MUC4: variants seen among roughly 807,000 people sequenced by gnomAD.
MUC4 encodes the protein mucin-4.
In MUC4, 202 loss-of-function variants were observed where a neutral mutation model predicts 257.9. The ratio of observed to expected loss-of-function variants is 0.78; its 90% CI spans 0.70 to 0.88. MUC4 has a LOEUF of 0.88. Ranked by LOEUF, MUC4 falls within the 40% of genes least tolerant of loss-of-function variation. The pLI is 0.00. For missense variants in MUC4, 5,976 were observed against 6,513.7 expected (o/e 0.92, Z 2.84); for synonymous variants, 2,351 against 2,757.1 (o/e 0.85, Z 4.62).
At chr3:195,795,621 C>A (rs1427301965) in intron 1 of MUC4, among the ~76,000 whole-genome samples, 1 of 151,980 alleles carries the variant, frequency 6.6e-6, no homozygotes, top group Non-Finnish European at 1.5e-5. Flanking sequence ...GGAAGCAAGA[C>A]CCTCGGTCAC....
intron 8 of MUC4, 124 bp downstream of exon 8, chr3:195,766,539 G>A (rs190085271): frequency 4.8e-6 from 4 of 830,426 alleles, no homozygotes; most frequent in South Asian, 1.6e-5. Context: ...TGAACTGTGT[G>A]GGGGAGGCCC....
At position 195,778,431 on chromosome 3, in the gene MUC4, GT is replaced by G; in HGVS notation, c.12814del (p.Thr4272GlnfsTer155). The G allele has an allele frequency of 6.2e-7, 1 of 1,612,924 alleles. No individual in the cohort carries two copies. On this transcript the variant is annotated frameshift_variant, in exon 3 of 25. Transcript: ENST00000463781. LOFTEE classifies it high-confidence loss of function. The stretch of plus-strand genomic sequence containing the variant: ...TGTGGCTGTGCGTCTCCCACCGTCT[GT>G]CTTCAGTGACGGTGTTGTCATTCCT... ...TPGMTTPSLK[T>X]DGGRRTATSP...
In MUC4 at chr3:195,746,959, C is replaced by G. The variant is rs1715155192; in HGVS notation, c.*217G>C. 2.9e-6 allele frequency: 2 copies of G among 678,304 alleles called. No individual in the cohort carries two copies. The highest frequency in any genetic ancestry group is 4.9e-6 in the Non-Finnish European group (2 of 405,272). 42.0% of individuals were successfully genotyped at this position (678,304 alleles called of 1,614,324 possible). On this transcript the variant is annotated 3_prime_UTR_variant, in exon 25 of 25. Coordinates refer to ENST00000463781, the MANE Select transcript of MUC4 (RefSeq NM_018406.7). The stretch of plus-strand genomic sequence containing the variant: ...TTCTGTGGGTGTGTCTGCGTGAGGA[C>G]CCATCCATGCATGTTTGATCTTTAT...
At chr3:195,799,275 G>T (rs560620013) in intron 1 of MUC4, among the ~76,000 whole-genome samples, 2 of 143,258 alleles carry the variant, frequency 1.4e-5, no homozygotes, top group Non-Finnish European at 3.1e-5. Context: ...CTGTGTGTGT[G>T]TGTCCCTGCC....
rs2291652 is a variant in MUC4, at chr3:195,750,920, G to A, written c.15840C>T (p.Ile5280=). ...EPRNDVVFQP[I]SGEDVRDVTA... ...TCACATCGCGCACGTCTTCCCCGGAGATGGGCTGGAAGACCACGTCGTTCC... is the reference window on the plus strand; with the variant it reads ...TCACATCGCGCACGTCTTCCCCGGAAATGGGCTGGAAGACCACGTCGTTCC... The change falls in exon 23 of 25, where the codon ATC becomes ATT. Residue 5280 remains isoleucine, a synonymous_variant. Coordinates refer to ENST00000463781, the MANE Select transcript of MUC4 (RefSeq NM_018406.7). 703,081 of 1,613,572 alleles carry A rather than the reference G, an allele frequency of 0.44. 160,084 individuals are homozygous for A. The highest frequency in any genetic ancestry group is 0.74 in the East Asian group (33,132 of 44,840).
chr3:195,769,570 A>G, intron 6 of MUC4: 1 of 182,266 alleles, frequency 5.5e-6, no homozygotes, highest in Non-Finnish European at 1.2e-5. Flanking sequence ...AGCATGGATG[A>G]CACTGGGGTT....
In MUC4 at chr3:195,764,228, G is replaced by A. The variant is rs575938685; in HGVS notation, c.13925-64C>T. The A allele has an allele frequency of 2.3e-5, 35 of 1,536,526 alleles. No individual in the cohort carries two copies. The African/African-American group carries it at 4.6e-4, about 20-fold the overall frequency. On this transcript the variant is annotated intron_variant, in intron 10 of 24. Coordinates refer to ENST00000463781, the MANE Select transcript of MUC4 (RefSeq NM_018406.7). The stretch of plus-strand genomic sequence containing the variant: ...TGGAGAAGCTTGGCAGGGCAGGGTG[G>A]TGTTGGTTGAGAGCTTGGCAGGGCA...
In MUC4 at chr3:195,789,778, A is replaced by T; in HGVS notation, c.1802T>A (p.Met601Lys). Residue 601 changes from methionine to lysine, a missense_variant, in exon 2 of 25, where the codon ATG becomes AAG. Around this residue, in one of 44 missense-constraint regions of MUC4, gnomAD observed 1,583 missense variants for 1,257.4 expected, o/e 1.26. Transcript: ENST00000463781. Reference protein sequence around the residue: ...KTATSPSSSPMLDRHTSQQIT... With the variant: ...KTATSPSSSPKLDRHTSQQIT... ...TTGTTGGGATGTGTGTCTATCCAGCATAGGTGAAGAAGATGGGGATGTGGC... is the reference window on the plus strand; with the variant it reads ...TTGTTGGGATGTGTGTCTATCCAGCTTAGGTGAAGAAGATGGGGATGTGGC... 2 of 1,613,990 alleles carry T rather than the reference A, an allele frequency of 1.2e-6. No individual in the cohort carries two copies. Among genetic ancestry groups the T allele is most frequent in the South Asian group, 2.2e-5 (2 of 91,082 alleles).
chr3:195,799,220 T>C (rs1333916595), intron 1 of MUC4, among the ~76,000 whole-genome samples: 2 of 109,190 alleles, frequency 1.8e-5, no homozygotes, highest in African/African-American at 7.8e-5. Context: ...CTAGTATGTA[T>C]GTGTGACACT....
At chr3:195,799,332 G>T (rs183745077) in intron 1 of MUC4, among the ~76,000 whole-genome samples, 1,744 of 151,062 alleles carry the variant, frequency 0.012, 36 homozygotes, top group African/African-American at 0.04. Flanking sequence ...TTTTCCAGAT[G>T]GAGTTTCACT....
Position 195,747,394 on chromosome 3 carries a change from GAGAC to G in MUC4, c.16035-18_16035-15del, listed in dbSNP as rs767245581. 2.9e-5 allele frequency: 47 copies of G among 1,612,854 alleles called. No individual in the cohort carries two copies. The highest frequency in any genetic ancestry group is 1.3e-4 in the East Asian group (6 of 44,882). On this transcript the variant is annotated splice_polypyrimidine_tract_variant and intron_variant, in intron 24 of 24. Coordinates refer to ENST00000463781, the MANE Select transcript of MUC4 (RefSeq NM_018406.7). The stretch of plus-strand genomic sequence containing the variant: ...AAGGACACACAGCTGGTGACCAAGA[GAGAC>G]AGACAGGCGGTCAGAGGCGGGAGCT...
chr3:195,789,342 TG>T lies in MUC4; in HGVS notation c.2237del (p.Ser746Ter). 6.2e-7 allele frequency: 1 copy of T among 1,613,920 alleles called. No individual in the cohort carries two copies. The highest frequency in any genetic ancestry group is 8.5e-7 in the Non-Finnish European group (1 of 1,179,878). ...GALTLANSVV[S>X]TPGGPEGQWT... Reference sequence around the variant, plus strand: ...ATTGTCCTTCTGGGCCCCCTGGTGTTGACACTACAGAGTTGGCCAGAGTAAG... The same window carrying T: ...ATTGTCCTTCTGGGCCCCCTGGTGTTACACTACAGAGTTGGCCAGAGTAAG... On this transcript the variant is annotated frameshift_variant, in exon 2 of 25. Transcript: ENST00000463781. LOFTEE classifies it high-confidence loss of function.
chr3:195,806,257 T>C (rs1196337194), intron 1 of MUC4, among the ~76,000 whole-genome samples: 1 of 152,230 alleles, frequency 6.6e-6, no homozygotes, highest in Non-Finnish European at 1.5e-5. Context: ...GCTCCGCCTC[T>C]GCCTGCTCAG....
At chr3:195,751,523 G>A (rs992973828) in intron 21 of MUC4, 9 of 584,004 alleles carry the variant, frequency 1.5e-5, no homozygotes, top group Middle Eastern at 4.5e-4. Context: ...CTCATATGAC[G>A]AGCAGAGAAT....
At position 195,765,213 on chromosome 3, in the gene MUC4, G is replaced by A. The variant is rs1720174589; in HGVS notation, c.13798+57C>T. Reference sequence around the variant, plus strand: ...GGGGCTGTTTCTGGGGAGAGGCTGAGGGCGTGAGCAGAGAGGGTGGTGGGT... The same window carrying A: ...GGGGCTGTTTCTGGGGAGAGGCTGAAGGCGTGAGCAGAGAGGGTGGTGGGT... On this transcript the variant is annotated intron_variant, in intron 9 of 24. Coordinates refer to ENST00000463781, the MANE Select transcript of MUC4 (RefSeq NM_018406.7). The A allele has an allele frequency of 2.2e-5, 35 of 1,587,478 alleles. No individual in the cohort carries two copies. In the South Asian group the frequency reaches 3.9e-4, roughly 18 times the overall value.
chr3:195,779,307 G>T lies in MUC4; in HGVS notation c.12273C>A (p.Thr4091=), dbSNP rs182908415. 78,863 of 768,714 alleles carry T rather than the reference G, an allele frequency of 0.1. 31,310 individuals carry two copies. The highest frequency in any genetic ancestry group is 0.13 in the East Asian group (1,300 of 10,010). The allele number at this position is 768,714 out of a possible 1,614,324, so 47.6% of individuals were successfully genotyped here. A position where few individuals can be genotyped will look rare whatever the true frequency, so the allele number is the denominator to read the frequency against. ...TGAGAGGAAGAGGGGTGGCGTGACC[G>T]GTGGATGCTGAGGAAGCATCGGTGA... ...LPVTDASSAS[T]GHATPLPLTS... The change falls in exon 2 of 25, where the codon ACC becomes ACA. Residue 4091 remains threonine, a synonymous_variant. Transcript: ENST00000463781.
intron 1 of MUC4, among the ~76,000 whole-genome samples, chr3:195,791,739 C>T (rs1035925058): frequency 6.6e-6 from 1 of 152,318 alleles, no homozygotes; most frequent in East Asian, 1.9e-4. Context: ...TCAAACTATA[C>T]TACAAGGCTA....
At position 195,762,858 on chromosome 3, in the gene MUC4, C is replaced by T. The variant is rs1469157905; in HGVS notation, c.14341G>A (p.Gly4781Arg). ...VTFQPDHEDG[G>R]GQETFNATGV... is the part of the protein sequence containing the mutation. ...CGGCCGGCGCTCCCCAACCTACCTC[C>T]GCCGTCTTCATGGTCAGGCTGAAAT... Residue 4781 changes from glycine to arginine, a missense_variant, in exon 13 of 25, where the codon GGA (glycine) becomes AGA (arginine). This residue lies in a region of MUC4 where 996 missense variants were observed against 1,137.3 expected (regional missense o/e 0.88). Transcript: ENST00000463781. The T allele has an allele frequency of 6.4e-7, 1 of 1,558,894 alleles. No homozygotes were observed. Among genetic ancestry groups the T allele is most frequent in the Non-Finnish European group, 8.7e-7 (1 of 1,153,354 alleles).
chr3:195,788,962 T>A lies in MUC4; in HGVS notation c.2618A>T (p.His873Leu). 3 of 1,613,554 alleles carry A rather than the reference T, an allele frequency of 1.9e-6. No homozygotes were observed. Among genetic ancestry groups the A allele is most frequent in the Non-Finnish European group, 2.5e-6 (3 of 1,179,750 alleles). ...MASSIVPGTF[H>L]PTLSEASTAG... ...AGTGGAGGCCTCAGAGAGGGTGGGA[T>A]GAAAGGTGCCGGGGACGATCGAAGA... Residue 873 changes from histidine to leucine, a missense_variant, in exon 2 of 25, where the codon CAT becomes CTT. Transcript: ENST00000463781.
Sources: allele counts gnomAD v4.1 joint callset (sites outside exome capture counted in the v4.1 genomes callset), GRCh38; gene constraint gnomAD v4.1.1; regional missense constraint gnomAD v4.1.1; transcripts MANE v1.5; gene names NCBI Gene and HGNC (gene_info 2026-07-23, HGNC 2026-07-21).